ANKS1B: variants seen among roughly 807,000 people sequenced by gnomAD.
ANKS1B encodes ankyrin repeat and sterile alpha motif domain containing 1B, also known as ankyrin repeat and sterile alpha motif domain-containing protein 1B.
ANKS1B carries 36 observed loss-of-function variants against 148.3 expected under a neutral mutation model. That is an observed-to-expected ratio of 0.24 (90% CI 0.19 to 0.32). ANKS1B has a LOEUF of 0.32. Ranked by LOEUF, ANKS1B falls within the 10% of genes least tolerant of loss-of-function variation. ANKS1B has a pLI of 1.00. For missense variants in ANKS1B, 1,157 were observed against 1,542.6 expected (o/e 0.75, Z 4.19); for synonymous variants, 542 against 560.8 (o/e 0.97, Z 0.47).
At chr12:99,509,728 C>A (rs2096745317) in intron 9 of ANKS1B, among the ~76,000 whole-genome samples, 1 of 151,958 alleles carries the variant, frequency 6.6e-6, no homozygotes, top group South Asian at 2.1e-4. Context: ...CCCGCTAAGA[C>A]AATTGATGAA....
At chr12:99,531,683 T>C (rs1249627644) in intron 9 of ANKS1B, among the ~76,000 whole-genome samples, 1 of 152,196 alleles carries the variant, frequency 6.6e-6, no homozygotes, top group Non-Finnish European at 1.5e-5. Flanking sequence ...AGTACAATTG[T>C]CTTTCTAATA....
intron 14 of ANKS1B, among the ~76,000 whole-genome samples, chr12:99,188,238 T>C (rs533708808): frequency 2.9e-4 from 44 of 152,182 alleles, no homozygotes; most frequent in African/African-American, 1.0e-3. Flanking sequence ...TCCCACACAA[T>C]AATAGTGGGA....
intron 11 of ANKS1B, among the ~76,000 whole-genome samples, chr12:99,404,765 C>T (rs1428873694): frequency 6.9e-6 from 1 of 144,786 alleles, no homozygotes; most frequent in African/African-American, 2.6e-5. Flanking sequence ...ACTTCCTAGA[C>T]CTAAAGAAAG....
intron 25 of ANKS1B, among the ~76,000 whole-genome samples, chr12:98,756,482 G>GT (rs2098245066): frequency 6.6e-6 from 1 of 151,152 alleles, no homozygotes; most frequent in Non-Finnish European, 1.5e-5. Context: ...AGAGGCTGAG[G>GT]TGGGTGGATC....
chr12:99,036,771 T>C (rs1260462188), intron 17 of ANKS1B, among the ~76,000 whole-genome samples: 1 of 152,210 alleles, frequency 6.6e-6, no homozygotes, highest in Non-Finnish European at 1.5e-5. Flanking sequence ...CACAAATGCA[T>C]GAGGCCTTAT....
intron 8 of ANKS1B, among the ~76,000 whole-genome samples, chr12:99,736,373 A>C (rs112588677): frequency 2.6e-5 from 4 of 151,692 alleles, no homozygotes; most frequent in Middle Eastern, 3.4e-3. Context: ...ACAAAAAAAA[A>C]CTCTTCAAAC....
intron 1 of ANKS1B, 52 bp from the exon 2 acceptor site, chr12:99,825,441 G>T: frequency 6.9e-7 from 1 of 1,451,504 alleles, no homozygotes; most frequent in Non-Finnish European, 9.5e-7. Flanking sequence ...ATCTTGCCTT[G>T]AAAAACAAAA....
chr12:99,234,336 A>C (rs1252157321), intron 14 of ANKS1B, among the ~76,000 whole-genome samples: 1 of 152,138 alleles, frequency 6.6e-6, no homozygotes, highest in Non-Finnish European at 1.5e-5. Flanking sequence ...TTTCTGTGCC[A>C]GGGTACTCTG....
intron 9 of ANKS1B, among the ~76,000 whole-genome samples, chr12:99,588,796 T>G (rs1328041289): frequency 6.6e-6 from 1 of 152,212 alleles, no homozygotes; most frequent in African/African-American, 2.4e-5. Context: ...TTCTCCACTT[T>G]CATCTTATCT....
At chr12:99,628,717 C>G (rs1413556634) in intron 9 of ANKS1B, among the ~76,000 whole-genome samples, 3 of 152,132 alleles carry the variant, frequency 2.0e-5, no homozygotes, top group Non-Finnish European at 4.4e-5. Flanking sequence ...GGGTCCCAAT[C>G]TTGTGAGGGC....
At chr12:99,472,235 C>T (rs77142978) in intron 10 of ANKS1B, among the ~76,000 whole-genome samples, 1 of 152,000 alleles carries the variant, frequency 6.6e-6, no homozygotes, top group African/African-American at 2.4e-5. Context: ...AAATATCCTG[C>T]CGGACCTAGC....
Position 99,135,645 on chromosome 12 carries a change from G to A in ANKS1B, c.2526+18644C>T, listed in dbSNP as rs113461103. ...GGCCTTGAATGACATACTAAGCCACGCTATTAATCAACCACAGGGGCAGAA... is the reference window on the plus strand; with the variant it reads ...GGCCTTGAATGACATACTAAGCCACACTATTAATCAACCACAGGGGCAGAA... On this transcript the variant is annotated intron_variant, in intron 15 of 26. Transcript: ENST00000683438. Among the ~76,000 whole-genome samples, 741 of 152,286 alleles carry A rather than the reference G, an allele frequency of 4.9e-3. 9 individuals are homozygous for A. Among genetic ancestry groups the A allele is most frequent in the African/African-American group, 0.017 (687 of 41,560 alleles).
chr12:99,315,510 G>A (rs919390369), intron 12 of ANKS1B, among the ~76,000 whole-genome samples: 1 of 151,840 alleles, frequency 6.6e-6, no homozygotes, highest in African/African-American at 2.4e-5. Flanking sequence ...AAACCACAAT[G>A]AGATACCATC....
At chr12:99,936,275 C>G (rs2094766785) in intron 1 of ANKS1B, among the ~76,000 whole-genome samples, 1 of 152,156 alleles carries the variant, frequency 6.6e-6, no homozygotes, top group South Asian at 2.1e-4. Flanking sequence ...AACAAAAATT[C>G]TCAAAAGCTA....
At chr12:99,511,635 A>C (rs1188090407) in intron 9 of ANKS1B, among the ~76,000 whole-genome samples, 3 of 152,070 alleles carry the variant, frequency 2.0e-5, no homozygotes. Flanking sequence ...AAAAAGTTGG[A>C]GGCATCACGC....
intron 11 of ANKS1B, among the ~76,000 whole-genome samples, chr12:99,432,166 T>C (rs1178446174): frequency 6.6e-6 from 1 of 152,194 alleles, no homozygotes; most frequent in Admixed American, 6.5e-5. Context: ...TTCTTGTACT[T>C]CCCAGCCTGC....
intron 12 of ANKS1B, among the ~76,000 whole-genome samples, chr12:99,359,151 A>C (rs547955105): frequency 6.6e-6 from 1 of 152,250 alleles, no homozygotes; most frequent in South Asian, 2.1e-4. Flanking sequence ...CTAATGATCC[A>C]GTATCTCATT....
intron 12 of ANKS1B, among the ~76,000 whole-genome samples, chr12:99,260,583 T>C (rs2153981529): frequency 6.6e-6 from 1 of 152,334 alleles, no homozygotes; most frequent in South Asian, 2.1e-4. Flanking sequence ...AGGGAGTATG[T>C]TTTAAATCAA....
intron 24 of ANKS1B, among the ~76,000 whole-genome samples, chr12:98,779,910 GC>G (rs1566400764): frequency 1.3e-5 from 2 of 152,202 alleles, no homozygotes; most frequent in Non-Finnish European, 2.9e-5. Flanking sequence ...TGGGTTATAT[GC>G]TTTTTGCCTG....
Sources: allele counts gnomAD v4.1 joint callset (sites outside exome capture counted in the v4.1 genomes callset), GRCh38; gene constraint gnomAD v4.1.1; transcripts MANE v1.5; gene names NCBI Gene and HGNC (gene_info 2026-07-23, HGNC 2026-07-21).